SPPL3: variants seen among roughly 807,000 people sequenced by gnomAD.
The protein encoded by SPPL3 is signal peptide peptidase like 3.
In SPPL3, 5 loss-of-function variants were observed where a neutral mutation model predicts 42.4. The observed-to-expected ratio is 0.12, with a 90% CI of 0.06 to 0.25. The LOEUF is 0.25. SPPL3 is among the 10% of genes least tolerant of loss of function. The pLI is 1.00. For missense variants in SPPL3, 235 were observed against 489.0 expected, an observed-to-expected ratio of 0.48 and a Z score of 4.90; for synonymous variants, 195 against 181.8, an observed-to-expected ratio of 1.07 and a Z score of -0.58.
intron 1 of SPPL3, chr12:120,903,565 A>C: frequency 2.4e-6 from 1 of 420,986 alleles, no homozygotes; most frequent in Non-Finnish European, 4.3e-6. Context: ...CCCCGGGGTC[A>C]TGCTCCCCTT....
At position 120,788,946 on chromosome 12, in the gene SPPL3, T is replaced by C. The variant is rs914073262; in HGVS notation, c.190+2523A>G. ...CTTGATAAATTCATCCTGTTTTCCA[T>C]GTCATCCTTTCAATCTGTAATAATT... On this transcript the variant is annotated intron_variant, in intron 3 of 10. Coordinates refer to ENST00000353487, the MANE Select transcript of SPPL3 (RefSeq NM_139015.5). Among the ~76,000 whole-genome samples, 17 of 152,352 alleles carry C rather than the reference T, an allele frequency of 1.1e-4. No individual in the cohort carries two copies. The East Asian group carries it at 3.3e-3, about 29-fold the overall frequency.
intron 1 of SPPL3, chr12:120,845,427 G>A: frequency 2.5e-6 from 1 of 403,510 alleles, no homozygotes; most frequent in South Asian, 2.5e-5. Context: ...GCACCACAGA[G>A]GCCGGATCTT....
intron 1 of SPPL3, among the ~76,000 whole-genome samples, chr12:120,830,580 G>GGAGAGAGAGAGAGAGAGAGAGAGAGAGA (rs151140429): frequency 1.4e-4 from 1 of 7,306 alleles, no homozygotes; most frequent in Non-Finnish European, 3.1e-4. Flanking sequence ...AGGGGGGGAA[G>GGAGAGAGAGAGAGAGAGAGAGAGAGAGA]GAGAGAGAGA....
intron 10 of SPPL3, 43 bp from the exon 11 acceptor site, chr12:120,765,113 GGC>G: frequency 6.3e-7 from 1 of 1,597,418 alleles, no homozygotes; most frequent in Non-Finnish European, 8.6e-7. Context: ...TTAAACATGA[GGC>G]ACACACAGCT....
chr12:120,890,588 CAAAAAAAAA>C (rs34253596), intron 1 of SPPL3, among the ~76,000 whole-genome samples: 12 of 91,460 alleles, frequency 1.3e-4, no homozygotes, highest in Admixed American at 2.7e-4. Flanking sequence ...GACTCCGTCT[CAAAAAAAAA>C]AAAAAAAAAA....
chr12:120,856,879 C>A lies in SPPL3; in HGVS notation c.24-45993G>T, dbSNP rs1453240095. Reference sequence around the variant, plus strand: ...AAATGAGACAACAGGTACTGGCAAGCAAGGTGAGCTGAACTAGGAATAGCA... The same window carrying A: ...AAATGAGACAACAGGTACTGGCAAGAAAGGTGAGCTGAACTAGGAATAGCA... On this transcript the variant is annotated intron_variant, in intron 1 of 10. Coordinates refer to ENST00000353487, the MANE Select transcript of SPPL3 (RefSeq NM_139015.5). Among the ~76,000 whole-genome samples, 4 of 152,264 alleles carry A rather than the reference C, an allele frequency of 2.6e-5. No individual in the cohort carries two copies. The East Asian group carries it at 5.8e-4, about 22-fold the overall frequency.
intron 3 of SPPL3, among the ~76,000 whole-genome samples, chr12:120,786,740 T>C (rs1256039293): frequency 2.0e-5 from 3 of 152,100 alleles, no homozygotes; most frequent in African/African-American, 7.2e-5. Context: ...ATATGCTACC[T>C]AAAACAATGT....
At position 120,869,469 on chromosome 12, in the gene SPPL3, T is replaced by C. The variant is rs146130224; in HGVS notation, c.23+34376A>G. ...ATAGTTATTCGCTGTAGCACTTTCC[T>C]GCACACTGCAAGACATCTAGCAGAC... is the stretch of plus-strand genomic sequence containing the variant. On this transcript the variant is annotated intron_variant, in intron 1 of 10. Coordinates refer to ENST00000353487, the MANE Select transcript of SPPL3 (RefSeq NM_139015.5). Among the ~76,000 whole-genome samples the C allele has an allele frequency of 1.1e-3, 174 of 152,346 alleles. 5 individuals carry two copies. The East Asian group carries it at 0.031, about 27-fold the overall frequency.
At chr12:120,847,899 C>T (rs1041505591) in intron 1 of SPPL3, among the ~76,000 whole-genome samples, 1 of 152,082 alleles carries the variant, frequency 6.6e-6, no homozygotes, top group East Asian at 1.9e-4. Flanking sequence ...GAATCTGAAC[C>T]GTGCTCATTT....
intron 6 of SPPL3, among the ~76,000 whole-genome samples, chr12:120,781,179 GTATTATTGTCAT>G (rs1168959208): frequency 6.6e-6 from 1 of 152,120 alleles, no homozygotes; most frequent in Non-Finnish European, 1.5e-5. Context: ...TTCATCCTAG[GTATTATTGTCAT>G]TATTACTTCA....
At chr12:120,838,646 A>G (rs1180870090) in intron 1 of SPPL3, among the ~76,000 whole-genome samples, 1 of 152,224 alleles carries the variant, frequency 6.6e-6, no homozygotes, top group African/African-American at 2.4e-5. Flanking sequence ...TAAAATTTTT[A>G]GAGTAATCAA....
chr12:120,890,223 T>A (rs1873591738), intron 1 of SPPL3, among the ~76,000 whole-genome samples: 1 of 152,058 alleles, frequency 6.6e-6, no homozygotes, highest in Non-Finnish European at 1.5e-5. Context: ...CACTCCAGCC[T>A]GGACAACAAA....
In SPPL3 at chr12:120,824,150, G is replaced by A. The variant is rs902443651; in HGVS notation, c.24-13264C>T. ...CTCCCAAAGTGCTAGGATTATAGGC[G>A]TGAGCCACTGCACCCAGCCCACAAA... On this transcript the variant is annotated intron_variant, in intron 1 of 10. Transcript: ENST00000353487. Among the ~76,000 whole-genome samples the A allele has an allele frequency of 2.6e-5, 4 of 152,224 alleles. No homozygotes were observed. The East Asian group carries it at 5.8e-4, about 22-fold the overall frequency.
At chr12:120,798,418 C>A (rs1487771373) in intron 2 of SPPL3, among the ~76,000 whole-genome samples, 1 of 152,214 alleles carries the variant, frequency 6.6e-6, no homozygotes, top group Non-Finnish European at 1.5e-5. Flanking sequence ...AGTTCCACAA[C>A]AAACTAGATG....
chr12:120,771,872 G>A (rs1401214127), intron 6 of SPPL3, among the ~76,000 whole-genome samples: 1 of 152,124 alleles, frequency 6.6e-6, no homozygotes, highest in African/African-American at 2.4e-5. Context: ...ACAATTTCCC[G>A]CTCTCCACAC....
At chr12:120,775,965 T>G (rs906893665) in intron 6 of SPPL3, among the ~76,000 whole-genome samples, 20 of 150,796 alleles carry the variant, frequency 1.3e-4, no homozygotes, top group African/African-American at 4.9e-4. Flanking sequence ...TGCAGAGAAG[T>G]CTGAAAGATA....
At chr12:120,781,976 C>T (rs1193043776) in intron 6 of SPPL3, among the ~76,000 whole-genome samples, 2 of 150,700 alleles carry the variant, frequency 1.3e-5, no homozygotes, top group Non-Finnish European at 3.0e-5. Flanking sequence ...CTCCTGGGCT[C>T]AAGGGATCCT....
chr12:120,845,281 G>A, intron 1 of SPPL3: 1 of 363,058 alleles, frequency 2.8e-6, no homozygotes, highest in South Asian at 2.5e-5. Context: ...CTGCTTGTTG[G>A]CAAACCCCAG....
intron 1 of SPPL3, among the ~76,000 whole-genome samples, chr12:120,825,608 C>G (rs1013182145): frequency 6.6e-6 from 1 of 152,224 alleles, no homozygotes; most frequent in Admixed American, 6.5e-5. Context: ...GCAAGATCAG[C>G]TTCTGTTTAC....
Sources: allele counts gnomAD v4.1 joint callset (sites outside exome capture counted in the v4.1 genomes callset), GRCh38; gene constraint gnomAD v4.1.1; transcripts MANE v1.5; gene names NCBI Gene and HGNC (gene_info 2026-07-23, HGNC 2026-07-21).